Variants in OSBPL5 observed in about 807,000 individuals in gnomAD.
The protein encoded by OSBPL5 is oxysterol-binding protein-related protein 5.
OSBPL5 carries 71 observed loss-of-function variants against 111.2 expected under a neutral mutation model. The observed-to-expected ratio is 0.64, with a 90% CI of 0.53 to 0.78. OSBPL5 has a LOEUF of 0.78. Ranked by LOEUF, OSBPL5 falls within the 30% of genes least tolerant of loss-of-function variation. The probability of loss-of-function intolerance (pLI) is 0.00; values close to 1 mark genes in which losing one functional copy is unlikely to be tolerated. For synonymous variants in OSBPL5, 549 were observed against 513.9 expected, an observed-to-expected ratio of 1.07 and a Z score of -0.93; for missense variants, 1,210 against 1,189.3, an observed-to-expected ratio of 1.02 and a Z score of -0.26.
intron 13 of OSBPL5, among the ~76,000 whole-genome samples, chr11:3,100,732 A>G (rs185734130): frequency 2.0e-5 from 3 of 152,166 alleles, no homozygotes; most frequent in African/African-American, 7.2e-5. Context: ...AGAGCCGAGC[A>G]CACAGAGGCA....
At chr11:3,131,429 AATCC>A (rs757844497) in intron 1 of OSBPL5, among the ~76,000 whole-genome samples, 23 of 112,438 alleles carry the variant, frequency 2.0e-4, no homozygotes, top group Non-Finnish European at 2.8e-4. Context: ...TCTATCCATC[AATCC>A]ATCCATCCAT....
At chr11:3,145,427 C>T (rs1234414119) in intron 1 of OSBPL5, among the ~76,000 whole-genome samples, 2 of 152,228 alleles carry the variant, frequency 1.3e-5, no homozygotes, top group Non-Finnish European at 2.9e-5. Context: ...ATCCCCTCCT[C>T]CCGGGCCAGC....
At chr11:3,133,922 TGGAGGCCAGGCCA>T (rs377698937) in intron 1 of OSBPL5, among the ~76,000 whole-genome samples, 113 of 151,662 alleles carry the variant, frequency 7.5e-4, no homozygotes, top group Non-Finnish European at 1.4e-3. Context: ...AGGCTCATTC[TGGAGGCCAGGCCA>T]GGAGGCCAGG....
intron 14 of OSBPL5, 105 bp downstream of exon 14, chr11:3,100,053 A>G (rs2134402920): frequency 2.2e-6 from 2 of 928,712 alleles, no homozygotes; most frequent in Non-Finnish European, 3.3e-6. Flanking sequence ...GGGCAGATGA[A>G]GGCGAAGTAA....
rs945395401 is a variant in OSBPL5 at position 3,103,136 on chromosome 11, G to C, written c.1326+103C>G. The C allele has an allele frequency of 8.0e-6, 8 of 995,304 alleles. No individual in the cohort carries two copies. In the African/African-American group the frequency reaches 1.3e-4, roughly 16 times the overall value. The allele number at this position is 995,304 out of a possible 1,614,324, so 61.7% of individuals were successfully genotyped here. ...ACCAGGATCCTTCTAAGCCATGTGG[G>C]GTAGGGGGTGGCCCGGGGACTCAGG... is the stretch of plus-strand genomic sequence containing the variant. On this transcript the variant is annotated intron_variant, in intron 11 of 21. Coordinates refer to ENST00000263650, the MANE Select transcript of OSBPL5 (RefSeq NM_020896.4).
chr11:3,151,271 A>C (rs1332985267), intron 1 of OSBPL5, among the ~76,000 whole-genome samples: 2 of 152,236 alleles, frequency 1.3e-5, no homozygotes, highest in Non-Finnish European at 2.9e-5. Flanking sequence ...CATCACTGTG[A>C]ATGACTCTGT....
At position 3,121,946 on chromosome 11, in the gene OSBPL5, A is replaced by G. The variant is rs1372670898; in HGVS notation, c.402+51T>C. 7.4e-6 allele frequency: 11 copies of G among 1,479,138 alleles called. No individual in the cohort carries two copies. The Admixed American group carries it at 9.8e-5, about 13-fold the overall frequency. The allele number at this position is 1,479,138 out of a possible 1,614,324, so 91.6% of individuals were successfully genotyped here. A position where few individuals can be genotyped will look rare whatever the true frequency, so the allele number is the denominator to read the frequency against. The stretch of plus-strand genomic sequence containing the variant: ...CTGGTTTATGGTCCTTTGTTATGGC[A>G]GCAGCACGCTGACCCGTGTCCTGGG... On this transcript the variant is annotated intron_variant, in intron 5 of 21. Transcript: ENST00000263650. This position sits in a 1 kb window ranked among gnomAD's most constrained non-coding sequence, Gnocchi z 4.3.
At chr11:3,120,360 C>G in intron 6 of OSBPL5, 61 bp downstream of exon 6, 1 of 1,549,740 alleles carries the variant, frequency 6.5e-7, no homozygotes, top group Non-Finnish European at 8.7e-7. Flanking sequence ...CACCAGGGCC[C>G]TAGGAATGAG....
chr11:3,152,724 G>A (rs185761477), intron 1 of OSBPL5, among the ~76,000 whole-genome samples: 7 of 152,352 alleles, frequency 4.6e-5, no homozygotes, highest in South Asian at 2.1e-4. Flanking sequence ...AGCTGGGTGC[G>A]AGTGGGCGTT....
chr11:3,120,716 A>T, intron 5 of OSBPL5, 92 bp from the exon 6 acceptor site: 1 of 1,440,132 alleles, frequency 6.9e-7, no homozygotes, highest in Non-Finnish European at 9.4e-7. Flanking sequence ...GGCACAGACC[A>T]GGGTGGGCTG....
intron 7 of OSBPL5, among the ~76,000 whole-genome samples, chr11:3,112,834 C>A (rs770556746): frequency 1.3e-5 from 2 of 152,194 alleles, no homozygotes; most frequent in Non-Finnish European, 2.9e-5. Context: ...GTACCTTATG[C>A]AAATTTTGCT....
In OSBPL5 at chr11:3,146,435, G is replaced by C. The variant is rs1337456105; in HGVS notation, c.-21-17266C>G. 6.6e-6 allele frequency: 1 copy of C among 152,444 alleles called. No homozygotes were observed. Among genetic ancestry groups the C allele is most frequent in the Non-Finnish European group, 1.5e-5 (1 of 68,232 alleles). 9.4% of individuals were successfully genotyped at this position (152,444 alleles called of 1,614,324 possible). ...GGATTTGGGGGTACCTCTGAGAGTG[G>C]GGGACGGAGAGAATGCAGGTGGAGA... On this transcript the variant is annotated intron_variant, in intron 1 of 21. Coordinates refer to ENST00000263650, the MANE Select transcript of OSBPL5 (RefSeq NM_020896.4). The surrounding 1 kb of genome is among the most constrained non-coding windows in gnomAD (Gnocchi z 7.8).
At chr11:3,131,791 A>ATCCATCCC (rs1173738620) in intron 1 of OSBPL5, among the ~76,000 whole-genome samples, 1 of 90,772 alleles carries the variant, frequency 1.1e-5, no homozygotes. Flanking sequence ...CCATCCATCC[A>ATCCATCCC]CCTACCCATT....
intron 1 of OSBPL5, among the ~76,000 whole-genome samples, chr11:3,157,357 G>A (rs959315009): frequency 2.0e-5 from 3 of 152,198 alleles, no homozygotes; most frequent in Admixed American, 6.5e-5. Context: ...TCACCCTGAT[G>A]AGACAGGGTT....
At chr11:3,094,586 C>T (rs912678348) in intron 14 of OSBPL5, 15 of 482,190 alleles carry the variant, frequency 3.1e-5, no homozygotes, top group South Asian at 5.2e-5. Context: ...CTGGGAGGCA[C>T]GCCTGGTCCC....
chr11:3,108,437 C>T (rs879487989), intron 7 of OSBPL5, among the ~76,000 whole-genome samples: 11 of 152,076 alleles, frequency 7.2e-5, no homozygotes, highest in Non-Finnish European at 1.3e-4. Flanking sequence ...GTCAGGGTGC[C>T]AGGGGCTCCT....
At chr11:3,133,534 GC>G (rs1564851331) in intron 1 of OSBPL5, among the ~76,000 whole-genome samples, 3 of 152,198 alleles carry the variant, frequency 2.0e-5, no homozygotes. Flanking sequence ...GGTTGATGTG[GC>G]GGTCGCTCTC....
chr11:3,126,281 T>C lies in OSBPL5; in HGVS notation c.219+192A>G, dbSNP rs1858620803. On this transcript the variant is annotated intron_variant, in intron 3 of 21. Coordinates refer to ENST00000263650, the MANE Select transcript of OSBPL5 (RefSeq NM_020896.4). The surrounding 1 kb of genome is among the most constrained non-coding windows in gnomAD (Gnocchi z 6.5). ...GGAAGCATTTTTCATGACAGCTATA[T>C]GGTGAAAACAGCCCAAATATCCACC... Among the ~76,000 whole-genome samples the C allele has an allele frequency of 1.3e-5, 2 of 152,222 alleles. No homozygotes were observed. The highest frequency in any genetic ancestry group is 2.4e-5 in the African/African-American group (1 of 41,458).
Position 3,121,605 on chromosome 11 carries a change from G to A in OSBPL5, c.402+392C>T, listed in dbSNP as rs1459175327. On this transcript the variant is annotated intron_variant, in intron 5 of 21. Transcript: ENST00000263650. The surrounding 1 kb of genome is among the most constrained non-coding windows in gnomAD (Gnocchi z 4.3). ...GGCTCAGAGGCGAGTGAATGGCCAC[G>A]GTCTCCGTGAGGTCTGAACACAGGA... Among the ~76,000 whole-genome samples, 1 of 152,130 alleles carries A rather than the reference G, an allele frequency of 6.6e-6. No homozygotes were observed. Among genetic ancestry groups the A allele is most frequent in the African/African-American group, 2.4e-5 (1 of 41,394 alleles).
Sources: allele counts gnomAD v4.1 joint callset (sites outside exome capture counted in the v4.1 genomes callset), GRCh38; gene constraint gnomAD v4.1.1; non-coding constraint Gnocchi (gnomAD v3.1); transcripts MANE v1.5; gene names NCBI Gene and HGNC (gene_info 2026-07-23, HGNC 2026-07-21).